The following CDH19 variants were observed in gnomAD, a reference collection of about 807,000 sequenced individuals.
CDH19 encodes cadherin-19.
In CDH19, 67 loss-of-function variants were observed where a neutral mutation model predicts 64.2. The observed-to-expected ratio is 1.04, with a 90% CI of 0.86 to 1.28. The LOEUF (loss-of-function observed/expected upper bound fraction) is 1.28, where lower values mean the gene tolerates loss of function less well. Among genes scored for constraint, CDH19 ranks in the 50% most tolerant of loss-of-function variants. CDH19 has a pLI of 0.00. For missense variants in CDH19, 1,030 were observed against 929.0 expected (o/e 1.11, Z -1.41); for synonymous variants, 346 against 319.3 (o/e 1.08, Z -0.89).
intron 2 of CDH19, among the ~76,000 whole-genome samples, chr18:66,570,434 CA>C (rs1195381030): frequency 6.6e-6 from 1 of 151,504 alleles, no homozygotes; most frequent in East Asian, 1.9e-4. Context: ...TATTTTTATT[CA>C]AAAAATATTT....
At chr18:66,592,696 G>GTTGC (rs1388437744) in intron 1 of CDH19, among the ~76,000 whole-genome samples, 6 of 151,798 alleles carry the variant, frequency 4.0e-5, no homozygotes, top group Admixed American at 3.9e-4. Flanking sequence ...GTTCATCCAT[G>GTTGC]TTGCTGTGAA....
intron 1 of CDH19, among the ~76,000 whole-genome samples, chr18:66,598,282 C>A (rs1192110342): frequency 1.3e-5 from 2 of 152,088 alleles, no homozygotes; most frequent in Non-Finnish European, 2.9e-5. Context: ...CTCGGCAACC[C>A]TAGTAGTGGA....
At chr18:66,507,438 T>C (rs993961039) in intron 11 of CDH19, among the ~76,000 whole-genome samples, 1 of 151,838 alleles carries the variant, frequency 6.6e-6, no homozygotes, top group Non-Finnish European at 1.5e-5. Context: ...TGTAGTTTCA[T>C]TGGCTTTTGG....
chr18:66,576,807 T>C (rs932420666), intron 1 of CDH19, among the ~76,000 whole-genome samples: 4 of 151,634 alleles, frequency 2.6e-5, no homozygotes, highest in Non-Finnish European at 5.9e-5. Context: ...TAAATACACA[T>C]ATAGAAAATC....
chr18:66,558,406 T>A (rs1427949269), intron 3 of CDH19, among the ~76,000 whole-genome samples: 1 of 151,778 alleles, frequency 6.6e-6, no homozygotes, highest in Non-Finnish European at 1.5e-5. Context: ...CCATGATTTA[T>A]AAAACACAGT....
intron 7 of CDH19, among the ~76,000 whole-genome samples, chr18:66,538,082 T>C (rs1986743363): frequency 6.6e-6 from 1 of 152,084 alleles, no homozygotes; most frequent in Non-Finnish European, 1.5e-5. Context: ...AATATACATG[T>C]AGAGTAACAC....
In CDH19 at chr18:66,600,916, G is replaced by A. The variant is rs551381136; in HGVS notation, c.-113+3038C>T. Among the ~76,000 whole-genome samples the A allele has an allele frequency of 2.5e-4, 38 of 151,936 alleles. No individual in the cohort carries two copies. In the South Asian group the frequency reaches 7.5e-3, roughly 30 times the overall value. On this transcript the variant is annotated intron_variant, in intron 1 of 11. Transcript: ENST00000262150. ...CAAAGAAAAGTGTTATTTAGAAGAA[G>A]GGGAATTATATCCACCTGACGAGTG...
intron 7 of CDH19, among the ~76,000 whole-genome samples, chr18:66,541,031 C>A (rs1174128702): frequency 6.6e-6 from 1 of 152,016 alleles, no homozygotes; most frequent in Non-Finnish European, 1.5e-5. Flanking sequence ...TCCATTATTT[C>A]TGTGCCCCAT....
chr18:66,559,781 C>T (rs1987653257), intron 3 of CDH19, among the ~76,000 whole-genome samples: 1 of 150,826 alleles, frequency 6.6e-6, no homozygotes, highest in Non-Finnish European at 1.5e-5. Flanking sequence ...AATATCTAAA[C>T]AAAAACTGTA....
chr18:66,597,774 G>A (rs1020596371), intron 1 of CDH19, among the ~76,000 whole-genome samples: 2 of 151,998 alleles, frequency 1.3e-5, no homozygotes, highest in Non-Finnish European at 2.9e-5. Context: ...ATTTAAACAT[G>A]GGCAAAAGAT....
At chr18:66,571,907 G>T in intron 2 of CDH19, 103 bp downstream of exon 2, 2 of 764,498 alleles carry the variant, frequency 2.6e-6, no homozygotes, top group Non-Finnish European at 4.1e-6. Context: ...CTTTTCAATG[G>T]CTTCACTGTA....
At chr18:66,562,295 G>A (rs2144550554) in intron 3 of CDH19, among the ~76,000 whole-genome samples, 2 of 151,674 alleles carry the variant, frequency 1.3e-5, no homozygotes, top group East Asian at 1.9e-4. Flanking sequence ...CAACTAGATA[G>A]TCCCACCTGG....
At chr18:66,521,704 T>TAA (rs111530865) in intron 9 of CDH19, among the ~76,000 whole-genome samples, 213 of 143,570 alleles carry the variant, frequency 1.5e-3, no homozygotes, top group African/African-American at 5.0e-3. Context: ...CCCAGCTAAT[T>TAA]AAAAAAAAAA....
intron 1 of CDH19, among the ~76,000 whole-genome samples, chr18:66,578,970 G>A (rs1268646528): frequency 6.6e-6 from 1 of 151,878 alleles, no homozygotes. Context: ...AAGAACTGTG[G>A]GAAAATGGGG....
chr18:66,524,569 T>TATATATATATATATATATATATATATAA (rs1276593665), intron 9 of CDH19, among the ~76,000 whole-genome samples: 5 of 135,162 alleles, frequency 3.7e-5, no homozygotes, highest in East Asian at 2.2e-4. Context: ...TATATATATA[T>TATATATATATATATATATATATATATAA]AAACATCATC....
chr18:66,543,094 T>C (rs1276140212), intron 7 of CDH19, among the ~76,000 whole-genome samples: 1 of 152,146 alleles, frequency 6.6e-6, no homozygotes, highest in Non-Finnish European at 1.5e-5. Context: ...GGTGCAATCT[T>C]GGCTCACTGC....
intron 4 of CDH19, among the ~76,000 whole-genome samples, chr18:66,552,460 C>T (rs1987379432): frequency 6.8e-6 from 1 of 147,018 alleles, no homozygotes; most frequent in Non-Finnish European, 1.5e-5. Context: ...TAGTTGCGGA[C>T]TAAAGTGTTT....
chr18:66,553,270 G>C (rs190062043), intron 4 of CDH19, among the ~76,000 whole-genome samples: 1 of 134,346 alleles, frequency 7.4e-6, no homozygotes, highest in Admixed American at 7.2e-5. Flanking sequence ...CTAGCAAGTT[G>C]TATAACATTT....
rs1273266514 is a variant in CDH19 at position 66,527,094 on chromosome 18, G to C, written c.1458+2751C>G. 4.0e-5 allele frequency among the ~76,000 whole-genome samples: 6 copies of C among 149,804 alleles called. No individual in the cohort carries two copies. In the East Asian group the frequency reaches 1.2e-3, roughly 29 times the overall value. Reference sequence around the variant, plus strand: ...GTATGTATGTATATATATGTGTATGGCAAGCTTAAATATTGAATGAATTAC... The same window carrying C: ...GTATGTATGTATATATATGTGTATGCCAAGCTTAAATATTGAATGAATTAC... On this transcript the variant is annotated intron_variant, in intron 9 of 11. Coordinates refer to ENST00000262150, the MANE Select transcript of CDH19 (RefSeq NM_021153.4).
Sources: allele counts gnomAD v4.1 joint callset (sites outside exome capture counted in the v4.1 genomes callset), GRCh38; gene constraint gnomAD v4.1.1; transcripts MANE v1.5; gene names NCBI Gene and HGNC (gene_info 2026-07-23, HGNC 2026-07-21).